NEBL: variants seen among roughly 807,000 people sequenced by gnomAD.
NEBL encodes LIM and SH3 protein 2.
In NEBL, 122 loss-of-function variants were observed where a neutral mutation model predicts 140.2. The ratio of observed to expected loss-of-function variants is 0.87; its 90% CI spans 0.75 to 1.01. The LOEUF (loss-of-function observed/expected upper bound fraction) is 1.01. NEBL is among the 50% of genes least tolerant of loss of function. NEBL has a pLI of 0.00. For missense variants in NEBL, 1,365 were observed against 1,231.3 expected, an observed-to-expected ratio of 1.11 and a Z score of -1.62; for synonymous variants, 436 against 398.9, an observed-to-expected ratio of 1.09 and a Z score of -1.11.
At chr10:20,969,759 G>T (rs1836488752) in intron 3 of NEBL, among the ~76,000 whole-genome samples, 1 of 151,714 alleles carries the variant, frequency 6.6e-6, no homozygotes, top group Admixed American at 6.6e-5. Flanking sequence ...TTGCCAGGCT[G>T]GTCTCAAACT....
At chr10:21,069,949 C>T (rs1262896508) in intron 2 of NEBL, 1 of 455,882 alleles carries the variant, frequency 2.2e-6, no homozygotes, top group Non-Finnish European at 4.4e-6. Context: ...CTATCATGTA[C>T]TTACAGCGGC....
intron 3 of NEBL, among the ~76,000 whole-genome samples, chr10:21,231,701 T>C (rs72798590): frequency 0.04 from 6,133 of 151,966 alleles, 192 homozygotes; most frequent in South Asian, 0.14. Flanking sequence ...GAAAGCCAAA[T>C]AAGGCAGTCA....
At chr10:20,961,259 C>T (rs1836038114) in intron 4 of NEBL, among the ~76,000 whole-genome samples, 1 of 152,128 alleles carries the variant, frequency 6.6e-6, no homozygotes, top group African/African-American at 2.4e-5. Context: ...TACCTGATTT[C>T]AACAAATATC....
At chr10:21,126,410 G>C (rs1838837275) in intron 2 of NEBL, among the ~76,000 whole-genome samples, 1 of 152,076 alleles carries the variant, frequency 6.6e-6, no homozygotes, top group South Asian at 2.1e-4. Context: ...GAGAGAGAGA[G>C]AAACAAAAGC....
intron 26 of NEBL, chr10:20,793,374 AC>A: frequency 1.0e-6 from 1 of 977,862 alleles, no homozygotes; most frequent in South Asian, 4.7e-5. Context: ...GGAGCAACAA[AC>A]CCTGGAAAGG....
intron 3 of NEBL, among the ~76,000 whole-genome samples, chr10:21,215,365 GCTGT>G (rs1358511206): frequency 9.9e-5 from 15 of 152,126 alleles, no homozygotes; most frequent in Admixed American, 7.9e-4. Flanking sequence ...TTTGCAATGG[GCTGT>G]CTTATTATGG....
At chr10:20,919,411 TTA>T (rs1260310168) in intron 4 of NEBL, among the ~76,000 whole-genome samples, 1 of 152,158 alleles carries the variant, frequency 6.6e-6, no homozygotes, top group Non-Finnish European at 1.5e-5. Flanking sequence ...ATTTCAAACT[TTA>T]TGTTTCTATA....
chr10:20,787,810 C>T (rs757206793), intron 26 of NEBL, among the ~76,000 whole-genome samples: 17 of 152,096 alleles, frequency 1.1e-4, no homozygotes, highest in South Asian at 6.2e-4. Context: ...TTTAGCAACA[C>T]GTTTGTTCGG....
At chr10:21,125,290 C>T (rs1390463147) in intron 2 of NEBL, among the ~76,000 whole-genome samples, 1 of 152,096 alleles carries the variant, frequency 6.6e-6, no homozygotes, top group East Asian at 1.9e-4. Flanking sequence ...TACATTTGCT[C>T]ATCACCAAGG....
chr10:20,930,435 C>A (rs886241915), intron 4 of NEBL, among the ~76,000 whole-genome samples: 1 of 152,192 alleles, frequency 6.6e-6, no homozygotes, highest in East Asian at 1.9e-4. Context: ...ATTCTTGCAC[C>A]ATAAAACCCA....
rs370008434 is a variant in NEBL, at chr10:20,801,633, C to T, written c.2761+6877G>A. The stretch of plus-strand genomic sequence containing the variant: ...ACCCGTTTCTTTTATTTTTGTGTTC[C>T]CAGTATCTCACACATACAAGAGATA... On this transcript the variant is annotated intron_variant, in intron 26 of 27. Transcript: ENST00000377122. Among the ~76,000 whole-genome samples, 4 of 152,010 alleles carry T rather than the reference C, an allele frequency of 2.6e-5. No individual in the cohort carries two copies. The East Asian group carries it at 7.7e-4, about 29-fold the overall frequency.
chr10:20,888,247 C>A, intron 3 of NEBL, 40 bp from the exon 4 acceptor site: 1 of 1,229,898 alleles, frequency 8.1e-7, no homozygotes, highest in Non-Finnish European at 1.2e-6. Context: ...AATAAATAAA[C>A]TTCCATTTTT....
At chr10:21,281,198 C>T (rs183122291) in intron 1 of NEBL, among the ~76,000 whole-genome samples, 9 of 152,326 alleles carry the variant, frequency 5.9e-5, no homozygotes, top group Admixed American at 5.9e-4. Context: ...GAGTGAACTA[C>T]TTCCTCCTTT....
chr10:20,835,423 G>C (rs1032311456), intron 14 of NEBL, 90 bp downstream of exon 14: 1 of 973,330 alleles, frequency 1.0e-6, no homozygotes, highest in Admixed American at 1.7e-5. Context: ...GCAATGCTTT[G>C]AGAAATTCCA....
chr10:21,286,181 T>C (rs989951453), intron 1 of NEBL, among the ~76,000 whole-genome samples: 3 of 152,220 alleles, frequency 2.0e-5, no homozygotes, highest in South Asian at 4.1e-4. Flanking sequence ...CCTATTGTGT[T>C]CTTGAAACAG....
At chr10:20,885,304 C>G (rs1372915847) in intron 4 of NEBL, among the ~76,000 whole-genome samples, 1 of 152,126 alleles carries the variant, frequency 6.6e-6, no homozygotes, top group Non-Finnish European at 1.5e-5. Flanking sequence ...ATAATAAAAT[C>G]GATGTACGTA....
intron 3 of NEBL, among the ~76,000 whole-genome samples, chr10:20,982,564 A>C (rs1837093330): frequency 6.6e-6 from 1 of 152,204 alleles, no homozygotes; most frequent in Non-Finnish European, 1.5e-5. Context: ...GTGTATATTC[A>C]CTGATTCTAT....
chr10:21,092,996 T>C (rs999760642), intron 2 of NEBL, among the ~76,000 whole-genome samples: 5 of 152,120 alleles, frequency 3.3e-5, no homozygotes, highest in African/African-American at 9.7e-5. Flanking sequence ...TTTTCTCTGA[T>C]GTGGGAACAG....
intron 3 of NEBL, among the ~76,000 whole-genome samples, chr10:21,183,852 G>C (rs541137542): frequency 6.6e-6 from 1 of 152,268 alleles, no homozygotes; most frequent in Admixed American, 6.5e-5. Context: ...AATCATGGGG[G>C]AGGGTCTTTC....
Sources: allele counts gnomAD v4.1 joint callset (sites outside exome capture counted in the v4.1 genomes callset), GRCh38; gene constraint gnomAD v4.1.1; transcripts MANE v1.5; gene names NCBI Gene and HGNC (gene_info 2026-07-23, HGNC 2026-07-21).